The following HYAL4 variants were observed in gnomAD, a reference collection of about 807,000 sequenced individuals.
The protein encoded by HYAL4 is hyaluronidase 4.
A neutral mutation model predicts 35.2 loss-of-function variants in HYAL4; 37 were observed. The ratio of observed to expected loss-of-function variants is 1.05; its 90% CI spans 0.81 to 1.38. The LOEUF (loss-of-function observed/expected upper bound fraction) is 1.38. Ranked by LOEUF, HYAL4 falls within the 40% of genes most tolerant of loss-of-function variation. The pLI is 0.00. For missense variants in HYAL4, 572 were observed against 572.4 expected (o/e 1.00, Z 0.01); for synonymous variants, 198 against 203.2 (o/e 0.97, Z 0.22).
upstream of HYAL4, among the ~76,000 whole-genome samples, chr7:123,844,820 G>T (rs1045699009): frequency 2.6e-5 from 4 of 152,164 alleles, no homozygotes; most frequent in African/African-American, 9.7e-5. Context: ...GGCTCTGTGG[G>T]CGTGGGACCC....
the HYAL4 span, among the ~76,000 whole-genome samples, chr7:123,765,743 T>C: frequency 6.6e-6 from 1 of 152,138 alleles, no homozygotes. Context: ...ACACAGTGCA[T>C]CTCTTTATCT....
chr7:123,832,844 A>G (rs1054293572), intron 1 of HYAL4, among the ~76,000 whole-genome samples: 1 of 152,092 alleles, frequency 6.6e-6, no homozygotes, highest in East Asian at 1.9e-4. Context: ...ATGAGTGACA[A>G]CATACATGTT....
At chr7:123,797,467 A>G in the HYAL4 span, among the ~76,000 whole-genome samples, 4 of 152,248 alleles carry the variant, frequency 2.6e-5, no homozygotes, top group African/African-American at 9.6e-5. Context: ...AGCTAAGTAA[A>G]TGGGACCCAG....
intron 2 of HYAL4, among the ~76,000 whole-genome samples, chr7:123,856,132 A>G (rs1481237753): frequency 1.3e-5 from 2 of 151,886 alleles, no homozygotes; most frequent in African/African-American, 4.8e-5. Context: ...GGTTCCTTGC[A>G]TTAGATTAGA....
At chr7:123,855,520 T>A (rs182885356) in intron 2 of HYAL4, among the ~76,000 whole-genome samples, 1 of 152,312 alleles carries the variant, frequency 6.6e-6, no homozygotes, top group East Asian at 1.9e-4. Flanking sequence ...AATGTTGATA[T>A]TGGCCCCCAC....
At chr7:123,791,310 T>G in the HYAL4 span, among the ~76,000 whole-genome samples, 2 of 152,158 alleles carry the variant, frequency 1.3e-5, no homozygotes, top group Non-Finnish European at 2.9e-5. Flanking sequence ...TCTAATTTCT[T>G]TATCTGTAAA....
At chr7:123,770,571 AC>A in the HYAL4 span, among the ~76,000 whole-genome samples, 1 of 152,130 alleles carries the variant, frequency 6.6e-6, no homozygotes, top group African/African-American at 2.4e-5. Context: ...GACAGTGTGA[AC>A]AAAGGCTCAG....
chr7:123,833,287 G>A (rs1805912168), intron 1 of HYAL4, among the ~76,000 whole-genome samples: 1 of 152,096 alleles, frequency 6.6e-6, no homozygotes, highest in African/African-American at 2.4e-5. Context: ...CAGGAGTAAG[G>A]TGGTATCACA....
the HYAL4 span, among the ~76,000 whole-genome samples, chr7:123,806,637 A>T: frequency 6.6e-6 from 1 of 151,122 alleles, no homozygotes; most frequent in Non-Finnish European, 1.5e-5. Flanking sequence ...TTTTCAGTAG[A>T]GATGGGATTT....
chr7:123,852,977 T>C (rs1806346167), intron 2 of HYAL4, among the ~76,000 whole-genome samples: 2 of 152,206 alleles, frequency 1.3e-5, no homozygotes. Context: ...GATTCCTAGG[T>C]ATTTTATTCT....
chr7:123,779,763 C>T, the HYAL4 span, among the ~76,000 whole-genome samples: 1 of 151,968 alleles, frequency 6.6e-6, no homozygotes, highest in East Asian at 1.9e-4. Context: ...TTCAAAAATT[C>T]TGTTAATTAT....
intron 2 of HYAL4, among the ~76,000 whole-genome samples, chr7:123,856,663 G>A (rs928944635): frequency 3.3e-5 from 5 of 152,154 alleles, no homozygotes; most frequent in Non-Finnish European, 7.4e-5. Flanking sequence ...GCATGGGGGT[G>A]AGGGACCCAT....
the HYAL4 span, among the ~76,000 whole-genome samples, chr7:123,765,377 AT>A: frequency 6.6e-6 from 1 of 152,124 alleles, no homozygotes; most frequent in East Asian, 1.9e-4. Context: ...TACATTAGGG[AT>A]TTTTGCAAGT....
At chr7:123,851,304 T>TAA in intron 2 of HYAL4, among the ~76,000 whole-genome samples, 1 of 152,330 alleles carries the variant, frequency 6.6e-6, no homozygotes, top group East Asian at 1.9e-4. Context: ...GTGGGTTTGT[T>TAA]ACGTAGCTAT....
chr7:123,820,170 G>A, the HYAL4 span, among the ~76,000 whole-genome samples: 14 of 152,048 alleles, frequency 9.2e-5, no homozygotes, highest in South Asian at 1.7e-3. Flanking sequence ...TGGGATTACA[G>A]GCATGAGCCA....
At chr7:123,844,822 G>A (rs1162649060), upstream of HYAL4, among the ~76,000 whole-genome samples, 19 of 152,174 alleles carry the variant, frequency 1.2e-4, no homozygotes, top group African/African-American at 4.3e-4. Context: ...CTCTGTGGGC[G>A]TGGGACCCAC....
At chr7:123,841,090 C>T (rs1011854361), upstream of HYAL4, among the ~76,000 whole-genome samples, 1 of 152,022 alleles carries the variant, frequency 6.6e-6, no homozygotes, top group African/African-American at 2.4e-5. Flanking sequence ...ATGCTTCCAG[C>T]TTTTGCCCAT....
At chr7:123,811,339 T>C in the HYAL4 span, among the ~76,000 whole-genome samples, 1 of 152,234 alleles carries the variant, frequency 6.6e-6, no homozygotes, top group East Asian at 1.9e-4. Flanking sequence ...TTGCTACACA[T>C]CCTCACCAAC....
Position 123,869,124 on chromosome 7 carries a change from A to T in HYAL4, c.851A>T (p.Glu284Val). 1 of 1,614,154 alleles carries T rather than the reference A, an allele frequency of 6.2e-7. No homozygotes were observed. The highest frequency in any genetic ancestry group is 1.3e-5 in the African/African-American group (1 of 75,048). Residue 284 changes from glutamate (E) to valine (V), a missense_variant, in exon 3 of 5, where the codon GAA becomes GTA. Glu to Val is a moderately radical substitution (Grantham distance 121). Transcript: ENST00000223026. Reference protein sequence around the residue: ...ILRFSKFRVHESMRISTMTSH... With the variant: ...ILRFSKFRVHVSMRISTMTSH... Reference sequence around the variant, plus strand: ...CGCTTCTCCAAATTTCGGGTGCATGAATCCATGAGGATCTCCACCATGACA... The same window carrying T: ...CGCTTCTCCAAATTTCGGGTGCATGTATCCATGAGGATCTCCACCATGACA...
Sources: allele counts gnomAD v4.1 joint callset (sites outside exome capture counted in the v4.1 genomes callset), GRCh38; gene constraint gnomAD v4.1.1; transcripts MANE v1.5; gene names NCBI Gene and HGNC (gene_info 2026-07-23, HGNC 2026-07-21).